The following BICD2 variants were observed in gnomAD, a reference collection of about 807,000 sequenced individuals.
BICD2 encodes the protein BICD cargo adaptor 2.
Under a neutral mutation model 72.9 loss-of-function variants are expected in BICD2, and 25 were observed. That is an observed-to-expected ratio of 0.34 (90% CI 0.25 to 0.48). The LOEUF is 0.48. Among genes scored for constraint, BICD2 ranks in the 20% least tolerant of loss-of-function variants. BICD2 has a pLI of 0.99. For missense variants in BICD2, 894 were observed against 1,175.2 expected, an observed-to-expected ratio of 0.76 and a Z score of 3.50; for synonymous variants, 501 against 516.1, an observed-to-expected ratio of 0.97 and a Z score of 0.40.
chr9:92,718,748 T>C lies in BICD2; in HGVS notation c.1897A>G (p.Ile633Val), dbSNP rs1564059648. ...EPMNIYNLIA[I>V]IRDQIKHLQA... ...AGGTGCTTGATCTGGTCACGGATGATAGCGATCAGGTTGTAGATGTTCATG... is the reference window on the plus strand; with the variant it reads ...AGGTGCTTGATCTGGTCACGGATGACAGCGATCAGGTTGTAGATGTTCATG... The change falls in exon 5 of 7, where the codon ATC (isoleucine) becomes GTC (valine). Residue 633 changes from isoleucine (I) to valine (V), a missense_variant. Ile to Val is a conservative substitution (Grantham distance 29). Transcript: ENST00000356884. 2.5e-6 allele frequency: 4 copies of C among 1,614,060 alleles called. No homozygotes were observed. The highest frequency in any genetic ancestry group is 3.3e-5 in the Admixed American group (2 of 60,024).
intron 1 of BICD2, among the ~76,000 whole-genome samples, chr9:92,757,653 G>T (rs1422395425): frequency 6.6e-6 from 1 of 151,512 alleles, no homozygotes; most frequent in Non-Finnish European, 1.5e-5. Context: ...CTTGCAGTAA[G>T]CCGAGATCGC....
At chr9:92,745,523 C>T (rs1853993201) in intron 1 of BICD2, among the ~76,000 whole-genome samples, 1 of 152,078 alleles carries the variant, frequency 6.6e-6, no homozygotes, top group South Asian at 2.1e-4. Context: ...CAGGTTTTCC[C>T]AGCCTTGGGC....
chr9:92,719,114 C>T lies in BICD2; in HGVS notation c.1531G>A (p.Asp511Asn). The change falls in exon 5 of 7, where the codon GAC (aspartate) becomes AAC (asparagine). Residue 511 changes from aspartate to asparagine, a missense_variant. Transcript: ENST00000356884. ...RLEKELKKVS[D>N]VAGETQGSLS... ...CTGCCCTGTGTCTCGCCGGCGACGTCGCTCACCTTCTTTAGCTCCTTCTCC... is the reference window on the plus strand; with the variant it reads ...CTGCCCTGTGTCTCGCCGGCGACGTTGCTCACCTTCTTTAGCTCCTTCTCC... 4 of 1,612,690 alleles carry T rather than the reference C, an allele frequency of 2.5e-6. No individual in the cohort carries two copies. Among genetic ancestry groups the T allele is most frequent in the African/African-American group, 1.3e-5 (1 of 75,060 alleles).
Position 92,720,315 on chromosome 9 carries a change from C to T in BICD2, c.1047G>A (p.Lys349=), listed in dbSNP as rs2131502064. ...GCCTGCTCACCTGCATCAGCTGCTG[C>T]TTCAGCTTCTGGATCTCAGAGATGT... ...ELNISEIQKL[K]QQLMQMEREK... Residue 349 remains lysine (K), a synonymous_variant, in exon 4 of 7, where the codon AAG becomes AAA. Coordinates refer to ENST00000356884, the MANE Select transcript of BICD2 (RefSeq NM_001003800.2). This position sits in a 1 kb window ranked among gnomAD's most constrained non-coding sequence, Gnocchi z 5.4. The T allele has an allele frequency of 6.2e-7, 1 of 1,610,474 alleles. No homozygotes were observed. Among genetic ancestry groups the T allele is most frequent in the South Asian group, 1.1e-5 (1 of 90,876 alleles).
At chr9:92,749,941 C>T (rs1480733785) in intron 1 of BICD2, among the ~76,000 whole-genome samples, 1 of 152,252 alleles carries the variant, frequency 6.6e-6, no homozygotes, top group Non-Finnish European at 1.5e-5. Context: ...GCACAGTGGG[C>T]ACAGCAGTCT....
At position 92,712,266 on chromosome 9, in the gene BICD2, A is replaced by C. The variant is rs2131492521; in HGVS notation, c.*2888T>G. 1 of 152,610 alleles carries C rather than the reference A, an allele frequency of 6.6e-6. No individual in the cohort carries two copies. Among genetic ancestry groups the C allele is most frequent in the East Asian group, 1.9e-4 (1 of 5,194 alleles). The allele number at this position is 152,610 out of a possible 1,614,324, so 9.5% of individuals were successfully genotyped here. On this transcript the variant is annotated 3_prime_UTR_variant, in exon 7 of 7. Transcript: ENST00000356884. ...CAAGTAAAGAATCACTGACTAACAG[A>C]ATTTTGCACAATGACTGTTTTCTTT...
intron 1 of BICD2, among the ~76,000 whole-genome samples, chr9:92,753,604 T>C (rs1424238417): frequency 6.6e-6 from 1 of 151,930 alleles, no homozygotes; most frequent in East Asian, 2.0e-4. Flanking sequence ...AGTGGCGCAA[T>C]CTCAGCTCAC....
At position 92,718,644 on chromosome 9, in the gene BICD2, C is replaced by T. The variant is rs1438524094; in HGVS notation, c.2001G>A (p.Lys667=). 2.5e-6 allele frequency: 4 copies of T among 1,613,996 alleles called. No homozygotes were observed. In the South Asian group the frequency reaches 4.4e-5, roughly 18 times the overall value. The change falls in exon 5 of 7, where the codon AAG becomes AAA. Residue 667 remains lysine, a synonymous_variant. Transcript: ENST00000356884. ...ASQELGPAVD[K]DKEALMEEIL... ...TCTCCTCCATAAGCGCTTCCTTGTC[C>T]TTGTCCACGGCGGGGCCCAGCTCCT...
intron 1 of BICD2, among the ~76,000 whole-genome samples, chr9:92,735,006 G>T (rs140593102): frequency 6.6e-6 from 1 of 152,332 alleles, no homozygotes; most frequent in East Asian, 1.9e-4. Context: ...GCACCTTGGT[G>T]ATAACCCCCA....
Position 92,711,972 on chromosome 9 carries a change from A to G in BICD2, c.*3182T>C, listed in dbSNP as rs1450784606. On this transcript the variant is annotated 3_prime_UTR_variant, in exon 7 of 7. Coordinates refer to ENST00000356884, the MANE Select transcript of BICD2 (RefSeq NM_001003800.2). ...AGACCTGGTTTGCTAAGGAGTTTTA[A>G]TGAGTTCTGTTTCCTGAAATTAACA... is the stretch of plus-strand genomic sequence containing the variant. 2 of 152,602 alleles carry G rather than the reference A, an allele frequency of 1.3e-5. No individual in the cohort carries two copies. Among genetic ancestry groups the G allele is most frequent in the African/African-American group, 2.4e-5 (1 of 41,446 alleles). The allele number at this position is 152,602 out of a possible 1,614,324, so 9.5% of individuals were successfully genotyped here.
intron 1 of BICD2, among the ~76,000 whole-genome samples, chr9:92,740,847 G>C (rs752860744): frequency 3.9e-5 from 6 of 152,114 alleles, no homozygotes; most frequent in Non-Finnish European, 8.8e-5. Context: ...TGCATTGCTG[G>C]TTCCACCCCA....
rs537735315 is a variant in BICD2, at chr9:92,748,989, G to C, written c.240+15516C>G. 4.6e-5 allele frequency among the ~76,000 whole-genome samples: 7 copies of C among 152,164 alleles called. No individual in the cohort carries two copies. In the South Asian group the frequency reaches 1.5e-3, roughly 32 times the overall value. Reference sequence around the variant, plus strand: ...CCCAGAGGAGATGGTACAGGGAGGGGCAAGGGGGTAACAGGAGAGGGGGCA... The same window carrying C: ...CCCAGAGGAGATGGTACAGGGAGGGCCAAGGGGGTAACAGGAGAGGGGGCA... On this transcript the variant is annotated intron_variant, in intron 1 of 6. Coordinates refer to ENST00000356884, the MANE Select transcript of BICD2 (RefSeq NM_001003800.2).
At chr9:92,718,203 C>T (rs1222643067) in intron 5 of BICD2, among the ~76,000 whole-genome samples, 2 of 152,250 alleles carry the variant, frequency 1.3e-5, no homozygotes, top group African/African-American at 4.8e-5. Context: ...CGAAGCCCCA[C>T]AATTGCTCTC....
At chr9:92,733,013 T>C (rs1037722126) in intron 1 of BICD2, among the ~76,000 whole-genome samples, 1 of 152,204 alleles carries the variant, frequency 6.6e-6, no homozygotes, top group Non-Finnish European at 1.5e-5. Context: ...TTCAAATTCA[T>C]ATGGAATTGC....
chr9:92,713,432 G>A lies in BICD2; in HGVS notation c.*1722C>T. On this transcript the variant is annotated 3_prime_UTR_variant, in exon 7 of 7. Coordinates refer to ENST00000356884, the MANE Select transcript of BICD2 (RefSeq NM_001003800.2). ...GGGCTGCAGTGTGACAGGGCCGGGT[G>A]GCCAAGTCCTCCTGGCAGCTACTCT... The A allele has an allele frequency of 6.3e-7, 1 of 1,586,788 alleles. No homozygotes were observed. Among genetic ancestry groups the A allele is most frequent in the Non-Finnish European group, 8.6e-7 (1 of 1,165,116 alleles).
chr9:92,717,471 C>A (rs1460512621), intron 6 of BICD2, among the ~76,000 whole-genome samples: 1 of 152,240 alleles, frequency 6.6e-6, no homozygotes, highest in Non-Finnish European at 1.5e-5. Context: ...TGGGCACCTG[C>A]CAGGCATGCC....
At chr9:92,745,751 C>T (rs756000498) in intron 1 of BICD2, among the ~76,000 whole-genome samples, 5 of 152,174 alleles carry the variant, frequency 3.3e-5, no homozygotes, top group East Asian at 3.9e-4. Flanking sequence ...AACTGAACTC[C>T]GAGAACACAC....
intron 3 of BICD2, among the ~76,000 whole-genome samples, chr9:92,721,406 T>C (rs1853462284): frequency 6.6e-6 from 1 of 152,178 alleles, no homozygotes; most frequent in African/African-American, 2.4e-5. Flanking sequence ...CATCAAAGTC[T>C]TGTCTACATG....
chr9:92,728,313 G>A (rs1347019303), intron 2 of BICD2, among the ~76,000 whole-genome samples: 1 of 152,234 alleles, frequency 6.6e-6, no homozygotes, highest in Non-Finnish European at 1.5e-5. Context: ...TGGTTCCTCT[G>A]ACTTCATGTT....
Sources: gnomAD v4.1 joint callset for allele counts (sites outside exome capture counted in the v4.1 genomes callset) on GRCh38, gnomAD v4.1.1 for gene constraint, Gnocchi (gnomAD v3.1) non-coding constraint, MANE v1.5 for transcripts, NCBI Gene and HGNC (gene_info 2026-07-23, HGNC 2026-07-21) for gene names.